Variants in RASSF6 observed in about 807,000 individuals in gnomAD.
RASSF6 encodes Ras association domain family member 6, also known as ras association domain-containing protein 6.
A neutral mutation model predicts 44.0 loss-of-function variants in RASSF6; 52 were observed. That is an observed-to-expected ratio of 1.18 (90% confidence interval 0.95 to 1.49). The LOEUF is 1.49. Among genes scored for constraint, RASSF6 ranks in the 40% most tolerant of loss-of-function variants. The probability of loss-of-function intolerance (pLI) is 0.00; values close to 1 mark genes in which losing one functional copy is unlikely to be tolerated. For synonymous variants in RASSF6, 162 were observed against 124.6 expected (o/e 1.30, Z -2.00); for missense variants, 464 against 393.3 (o/e 1.18, Z -1.52).
chr4:73,605,390 C>G (rs1360155291), intron 2 of RASSF6, among the ~76,000 whole-genome samples: 1 of 152,122 alleles, frequency 6.6e-6, no homozygotes, highest in Non-Finnish European at 1.5e-5. Flanking sequence ...GTAATAGAAG[C>G]AGAATTCTCC....
rs781727261 is a variant in RASSF6 at position 73,576,256 on chromosome 4, T to C, written c.993A>G (p.Ile331Met). Residue 331 changes from isoleucine (I) to methionine (M), a missense_variant, in exon 11 of 11, where the codon ATA becomes ATG. By Grantham distance (10) the Ile-to-Met change is conservative. Transcript: ENST00000307439. ...ILKCLQNKLV[I>M]KTETTV Reference sequence around the variant, plus strand: ...ACTGCTAAACTGTTGTCTCTGTTTTTATTACTAGTTTATTTTGAAGACATT... The same window carrying C: ...ACTGCTAAACTGTTGTCTCTGTTTTCATTACTAGTTTATTTTGAAGACATT... 20 of 1,558,412 alleles carry C rather than the reference T, an allele frequency of 1.3e-5. No individual in the cohort carries two copies. Among genetic ancestry groups the C allele is most frequent in the Non-Finnish European group, 1.7e-5 (19 of 1,134,532 alleles).
intron 3 of RASSF6, 86 bp from the exon 4 acceptor site, chr4:73,593,679 C>A: frequency 7.8e-7 from 1 of 1,289,962 alleles, no homozygotes. Flanking sequence ...AAATTAAGTG[C>A]GTAAGAAACC....
intron 4 of RASSF6, among the ~76,000 whole-genome samples, chr4:73,590,057 A>T (rs997478): frequency 0.57 from 87,361 of 152,058 alleles, 25,936 homozygotes; most frequent in East Asian, 0.68. Context: ...AGCATAAGCA[A>T]ACACAACCTT....
intron 4 of RASSF6, 64 bp from the exon 5 acceptor site, chr4:73,587,998 C>T: frequency 3.8e-6 from 4 of 1,066,344 alleles, no homozygotes; most frequent in Non-Finnish European, 4.3e-6. Context: ...TGATGGTTTC[C>T]AGATTTACAA....
intron 4 of RASSF6, among the ~76,000 whole-genome samples, chr4:73,592,824 T>C (rs72863061): frequency 0.029 from 4,421 of 152,212 alleles, 85 homozygotes; most frequent in South Asian, 0.059. Flanking sequence ...ACTTTACATT[T>C]TGCCTTTTCC....
rs935384990 is a variant in RASSF6, at chr4:73,574,732, G to T, written c.*1503C>A. 1 of 151,874 alleles carries T rather than the reference G, an allele frequency of 6.6e-6. No individual in the cohort carries two copies. The highest frequency in any genetic ancestry group is 1.5e-5 in the Non-Finnish European group (1 of 67,980). The allele number at this position is 151,874 out of a possible 1,614,324, so 9.4% of individuals were successfully genotyped here. A position where few individuals can be genotyped will look rare whatever the true frequency, so the allele number is the denominator to read the frequency against. ...TTTTTCATATACTTAGTGGCCATTT[G>T]CATTCTCTCTTCTGTGATTTTTCTT... On this transcript the variant is annotated 3_prime_UTR_variant, in exon 11 of 11. Transcript: ENST00000307439.
rs781382925 is a variant in RASSF6 at position 73,587,795 on chromosome 4, T to A, written c.382+45A>T. ...AAACATATGGAGTCATACTTTACAC[T>A]AATTAAAAATTAAGTCTCCCAATCA... On this transcript the variant is annotated intron_variant, in intron 5 of 10. Transcript: ENST00000307439. 14 of 1,190,354 alleles carry A rather than the reference T, an allele frequency of 1.2e-5. No homozygotes were observed. The East Asian group carries it at 2.8e-4, about 24-fold the overall frequency. 73.7% of individuals were successfully genotyped at this position (1,190,354 alleles called of 1,614,324 possible). A position where few individuals can be genotyped will look rare whatever the true frequency, so the allele number is the denominator to read the frequency against.
chr4:73,598,639 C>G lies in RASSF6; in HGVS notation c.144+1G>C. 1 of 1,507,662 alleles carries G rather than the reference C, an allele frequency of 6.6e-7. No homozygotes were observed. Among genetic ancestry groups the G allele is most frequent in the Non-Finnish European group, 9.1e-7 (1 of 1,098,064 alleles). The allele number at this position is 1,507,662 out of a possible 1,614,324, so 93.4% of individuals were successfully genotyped here. A position where few individuals can be genotyped will look rare whatever the true frequency, so the allele number is the denominator to read the frequency against. ...GGATTGCCTTTCTTCAGTGGGCTTA[C>G]CTCTCCATATAAAATATGCAGATTT... On this transcript the variant is annotated splice_donor_variant, in intron 3 of 10. Transcript: ENST00000307439. LOFTEE classifies it high-confidence loss of function.
chr4:73,602,890 C>T (rs1725369789), intron 2 of RASSF6, among the ~76,000 whole-genome samples: 1 of 152,156 alleles, frequency 6.6e-6, no homozygotes, highest in African/African-American at 2.4e-5. Flanking sequence ...AGATAGAGAC[C>T]ATCCTGGATA....
intron 4 of RASSF6, 121 bp downstream of exon 4, chr4:73,593,330 A>C (rs1724707908): frequency 9.8e-7 from 1 of 1,025,260 alleles, no homozygotes; most frequent in Admixed American, 2.8e-5. Flanking sequence ...CTGGGAAATT[A>C]AATGAGATTG....
intron 2 of RASSF6, among the ~76,000 whole-genome samples, chr4:73,608,669 T>A (rs2149394934): frequency 6.6e-6 from 1 of 152,368 alleles, no homozygotes; most frequent in Middle Eastern, 3.4e-3. Flanking sequence ...TAACTTTTTA[T>A]ACAAATAAGT....
rs756208723 is a variant in RASSF6, at chr4:73,587,950, T to G, written c.288-16A>C. On this transcript the variant is annotated splice_polypyrimidine_tract_variant and intron_variant, in intron 4 of 10. Transcript: ENST00000307439. ...GCGTGTCATTCTGAGAAGTAATAAA[T>G]CTTGTAAGTACATCAGTTCCATTTA... 1.7e-5 allele frequency: 26 copies of G among 1,518,174 alleles called. 1 individual carries two copies. The South Asian group carries it at 2.9e-4, about 17-fold the overall frequency. 94.0% of individuals were successfully genotyped at this position (1,518,174 alleles called of 1,614,324 possible). A position where few individuals can be genotyped will look rare whatever the true frequency, so the allele number is the denominator to read the frequency against.
Position 73,618,301 on chromosome 4 carries a change from T to TTATCTATCTATCTATCTCTCTATC in RASSF6, c.-35+1986_-35+1987insGATAGAGAGATAGATAGATAGATA, listed in dbSNP as rs1553906724. ...ATTCTAATGTATAGATATAAAGTTG[T>TTATCTATCTATCTATCTCTCTATC]TATCTATCTATCTATCTATCTAAAC... is the stretch of plus-strand genomic sequence containing the variant. On this transcript the variant is annotated intron_variant, in intron 1 of 10. Coordinates refer to ENST00000307439, the MANE Select transcript of RASSF6 (RefSeq NM_177532.5). 3.3e-5 allele frequency among the ~76,000 whole-genome samples: 5 copies of TTATCTATCTATCTATCTCTCTATC among 150,216 alleles called. No individual in the cohort carries two copies. The East Asian group carries it at 7.8e-4, about 24-fold the overall frequency.
In RASSF6 at chr4:73,575,249, A is replaced by G. The variant is rs1003484636; in HGVS notation, c.*986T>C. ...TGCATATAATTCCATTTTAATACAG[A>G]ATTTATAAATAAAATCATAGTTTAT... is the stretch of plus-strand genomic sequence containing the variant. On this transcript the variant is annotated 3_prime_UTR_variant, in exon 11 of 11. Transcript: ENST00000307439. The G allele has an allele frequency of 6.6e-6, 1 of 152,212 alleles. No individual in the cohort carries two copies. The highest frequency in any genetic ancestry group is 1.5e-5 in the Non-Finnish European group (1 of 68,026). The allele number at this position is 152,212 out of a possible 1,614,324, so 9.4% of individuals were successfully genotyped here.
At chr4:73,617,231 G>A (rs1346089044) in intron 1 of RASSF6, among the ~76,000 whole-genome samples, 1 of 152,190 alleles carries the variant, frequency 6.6e-6, no homozygotes, top group East Asian at 1.9e-4. Context: ...GCATGCCACT[G>A]CCCTCAGTTC....
chr4:73,587,809 G>A (rs1724214051), intron 5 of RASSF6, 31 bp downstream of exon 5: 1 of 1,381,584 alleles, frequency 7.2e-7, no homozygotes, highest in Non-Finnish European at 1.0e-6. Flanking sequence ...TAAAAATTAA[G>A]TCTCCCAATC....
rs150158030 is a variant in RASSF6 at position 73,595,236 on chromosome 4, C to T, written c.145-1643G>A. Reference sequence around the variant, plus strand: ...GTGTGACAGAGTCTCGCTCTGTCACCCAGGCTGGAGTACAGTGGTGTGATC... The same window carrying T: ...GTGTGACAGAGTCTCGCTCTGTCACTCAGGCTGGAGTACAGTGGTGTGATC... On this transcript the variant is annotated intron_variant, in intron 3 of 10. Transcript: ENST00000307439. 7.9e-3 allele frequency among the ~76,000 whole-genome samples: 1,198 copies of T among 152,108 alleles called. 19 individuals carry two copies. Among genetic ancestry groups the T allele is most frequent in the African/African-American group, 0.028 (1,141 of 41,484 alleles).
At chr4:73,607,186 T>A (rs533099343) in intron 2 of RASSF6, among the ~76,000 whole-genome samples, 1 of 152,360 alleles carries the variant, frequency 6.6e-6, no homozygotes, top group East Asian at 1.9e-4. Flanking sequence ...ATCATCTGCT[T>A]TGTTAACATC....
intron 1 of RASSF6, among the ~76,000 whole-genome samples, chr4:73,618,859 CAT>C (rs1726532070): frequency 6.6e-6 from 1 of 152,290 alleles, no homozygotes; most frequent in Non-Finnish European, 1.5e-5. Flanking sequence ...AATTACTAGT[CAT>C]AGACACTAAG....
Sources: allele counts gnomAD v4.1 joint callset (sites outside exome capture counted in the v4.1 genomes callset), GRCh38; gene constraint gnomAD v4.1.1; transcripts MANE v1.5; gene names NCBI Gene and HGNC (gene_info 2026-07-23, HGNC 2026-07-21).